The following ERI2 variants were observed in gnomAD, a reference collection of about 807,000 sequenced individuals.
ERI2 encodes ERI1 exoribonuclease family member 2.
ERI2 carries 35 observed loss-of-function variants against 46.8 expected under a neutral mutation model. The observed-to-expected ratio is 0.75, with a 90% CI of 0.57 to 0.99. The LOEUF is 0.99. Among genes scored for constraint, ERI2 ranks in the 50% least tolerant of loss-of-function variants. ERI2 has a pLI of 0.00. For missense variants in ERI2, 695 were observed against 796.2 expected, an observed-to-expected ratio of 0.87 and a Z score of 1.53; for synonymous variants, 224 against 271.0, an observed-to-expected ratio of 0.83 and a Z score of 1.70.
chr16:20,789,530 C>T (rs200323039), exon 10 of ERI2: 1 of 1,613,706 alleles, frequency 6.2e-7, no homozygotes, highest in African/African-American at 1.3e-5. Context: ...TATTGGGCTT[C>T]TGAAGTAAGG....
chr16:20,789,410 C>G, intron 10 of ERI2: 1 of 1,142,000 alleles, frequency 8.8e-7, no homozygotes, highest in Non-Finnish European at 1.3e-6. Flanking sequence ...ATGCTAGCTA[C>G]TGGTAGACAC....
In ERI2 at chr16:20,786,209, A is replaced by G. The variant is rs374820623; in HGVS notation, c.894+3270T>C. ...TGTTTAACAACCCAATCTGTACACT[A>G]CCTACCTACCGCTTACCCCCATATA... On this transcript the variant is annotated intron_variant, in intron 10 of 10. Transcript: ENST00000300005. 30 of 1,587,116 alleles carry G rather than the reference A, an allele frequency of 1.9e-5. No homozygotes were observed. In the African/African-American group the frequency reaches 3.8e-4, roughly 20 times the overall value.
chr16:20,795,192 GT>G (rs919793352), downstream of ERI2, among the ~76,000 whole-genome samples: 1 of 151,896 alleles, frequency 6.6e-6, no homozygotes, highest in East Asian at 1.9e-4. Context: ...TGTTGTTGTT[GT>G]TTTTTTTCTT....
chr16:20,786,435 C>G, intron 10 of ERI2: 1 of 501,844 alleles, frequency 2.0e-6, no homozygotes, highest in Non-Finnish European at 3.0e-6. Context: ...AATCCCAACA[C>G]TTTGGGAGGC....
At chr16:20,805,112 A>G (rs74011875) in intron 1 of ERI2, among the ~76,000 whole-genome samples, 2,726 of 152,252 alleles carry the variant, frequency 0.018, 79 homozygotes, top group African/African-American at 0.062. Context: ...GGAGGACACA[A>G]TAATTCATAT....
intron 1 of ERI2, chr16:20,806,107 C>T: frequency 7.6e-7 from 1 of 1,319,064 alleles, no homozygotes; most frequent in Non-Finnish European, 9.6e-7. Flanking sequence ...GGCACTGTCA[C>T]GTCCAGTCGT....
exon 11 of ERI2, chr16:20,780,572 T>G: frequency 6.4e-7 from 1 of 1,568,426 alleles, no homozygotes; most frequent in Admixed American, 1.7e-5. Context: ...GTGATGGCTT[T>G]TACCCTGTAA....
At position 20,806,455 on chromosome 16, in the gene ERI2, G is replaced by A. The variant is rs975828550; in HGVS notation, c.-25C>T. 12 of 1,552,034 alleles carry A rather than the reference G, an allele frequency of 7.7e-6. No individual in the cohort carries two copies. In the African/African-American group the frequency reaches 1.2e-4, roughly 16 times the overall value. Reference sequence around the variant, plus strand: ...TTCCCGACACTCCTTGCTTTTCCAAGTCCAGCTGCCGGAAGTCGCTCGACT... The same window carrying A: ...TTCCCGACACTCCTTGCTTTTCCAAATCCAGCTGCCGGAAGTCGCTCGACT... On this transcript the variant is annotated 5_prime_UTR_variant, in exon 1 of 9. Transcript: ENST00000357967.
chr16:20,799,425 A>C, intron 7 of ERI2, 74 bp from the exon 8 acceptor site: 1 of 1,399,806 alleles, frequency 7.1e-7, no homozygotes, highest in Middle Eastern at 1.8e-4. Context: ...AAATAACTTA[A>C]AAAGAAAAAC....
intron 10 of ERI2, chr16:20,780,750 A>C (rs905107168): frequency 6.2e-7 from 1 of 1,614,198 alleles, no homozygotes; most frequent in Non-Finnish European, 8.5e-7. Context: ...TGAAGACAAA[A>C]CACAATGAGA....
At position 20,800,418 on chromosome 16, in the gene ERI2, T is replaced by A; in HGVS notation, c.461-16A>T. On this transcript the variant is annotated splice_polypyrimidine_tract_variant and intron_variant, in intron 5 of 8. Transcript: ENST00000357967. ...AAGTCCCAGTCTGCATTAGGTACAT[T>A]AAAATAGAACAAAGTCAATGATGCC... 6.6e-7 allele frequency: 1 copy of A among 1,510,522 alleles called. No individual in the cohort carries two copies. Among genetic ancestry groups the A allele is most frequent in the Non-Finnish European group, 9.1e-7 (1 of 1,100,070 alleles). 93.6% of individuals were successfully genotyped at this position (1,510,522 alleles called of 1,614,324 possible).
intron 1 of ERI2, chr16:20,806,069 C>T: frequency 8.1e-7 from 1 of 1,231,018 alleles, no homozygotes; most frequent in Non-Finnish European, 1.0e-6. Context: ...AGTGTGTGGC[C>T]TGCCTGAGAC....
At chr16:20,784,782 C>A (rs1389527519) in intron 10 of ERI2, among the ~76,000 whole-genome samples, 2 of 151,894 alleles carry the variant, frequency 1.3e-5, no homozygotes, top group Non-Finnish European at 2.9e-5. Flanking sequence ...AATGATTTAT[C>A]TTTTTAATAT....
At chr16:20,805,905 A>T in intron 1 of ERI2, 1 of 930,048 alleles carries the variant, frequency 1.1e-6, no homozygotes, top group Non-Finnish European at 1.3e-6. Flanking sequence ...TCCTTTGTTC[A>T]GTGTACTCTC....
downstream of ERI2, among the ~76,000 whole-genome samples, chr16:20,793,348 A>G (rs1232232110): frequency 6.6e-6 from 1 of 152,158 alleles, no homozygotes; most frequent in African/African-American, 2.4e-5. Flanking sequence ...ACACGCCTGT[A>G]ATCCCTGCTA....
At chr16:20,780,615 C>CA in exon 11 of ERI2, 1 of 1,610,568 alleles carries the variant, frequency 6.2e-7, no homozygotes, top group Non-Finnish European at 8.5e-7. Context: ...TGATTCATGA[C>CA]ATGAAGAGGT....
Position 20,790,734 on chromosome 16 carries a change from T to A in ERI2, c.815+116A>T. The A allele has an allele frequency of 6.2e-7, 1 of 1,613,960 alleles. No homozygotes were observed. The highest frequency in any genetic ancestry group is 8.5e-7 in the Non-Finnish European group (1 of 1,179,834). ...TCTCATTTTCTATTTATTTCTCAAG[T>A]GCTTGGTAACAATCCCTGTTTGCCA... is the stretch of plus-strand genomic sequence containing the variant. On this transcript the variant is annotated intron_variant, in intron 9 of 10. Coordinates refer to the ERI2 transcript ENST00000300005. The surrounding 1 kb of genome is among the most constrained non-coding windows in gnomAD (Gnocchi z 4.0).
intron 10 of ERI2, among the ~76,000 whole-genome samples, chr16:20,787,945 T>C (rs570374193): frequency 3.1e-4 from 47 of 152,276 alleles, no homozygotes; most frequent in Admixed American, 7.2e-4. Context: ...AGATGGTTGG[T>C]AAACCAAATA....
intron 10 of ERI2, chr16:20,783,700 C>A (rs921406922): frequency 1.3e-5 from 2 of 152,154 alleles, no homozygotes; most frequent in East Asian, 1.9e-4. Flanking sequence ...TTGCTTCAAA[C>A]CTTGTCCCCA....
Sources: allele counts gnomAD v4.1 joint callset (sites outside exome capture counted in the v4.1 genomes callset), GRCh38; gene constraint gnomAD v4.1.1; non-coding constraint Gnocchi (gnomAD v3.1); transcripts MANE v1.5; gene names NCBI Gene and HGNC (gene_info 2026-07-23, HGNC 2026-07-21).